The following LCA5L variants were observed in gnomAD, a reference collection of about 807,000 sequenced individuals.
LCA5L encodes lebercilin-like protein.
In LCA5L, 35 loss-of-function variants were observed where a neutral mutation model predicts 45.4. That is an observed-to-expected ratio of 0.77 (90% CI 0.59 to 1.02). The LOEUF is 1.02. LCA5L is among the 50% of genes least tolerant of loss of function. The probability of loss-of-function intolerance (pLI) is 0.00; values close to 1 mark genes in which losing one functional copy is unlikely to be tolerated. For missense variants in LCA5L, 668 were observed against 761.6 expected, an observed-to-expected ratio of 0.88 and a Z score of 1.45; for synonymous variants, 233 against 264.7, an observed-to-expected ratio of 0.88 and a Z score of 1.16.
chr21:39,442,633 T>C (rs991431791), intron 2 of LCA5L, among the ~76,000 whole-genome samples: 6 of 151,994 alleles, frequency 3.9e-5, no homozygotes, highest in African/African-American at 1.5e-4. Context: ...AAGGATTCAC[T>C]GGGTGTTGGG....
intron 7 of LCA5L, chr21:39,413,949 T>C: frequency 6.6e-6 from 1 of 152,072 alleles, no homozygotes; most frequent in Non-Finnish European, 1.5e-5. Flanking sequence ...GCGGCGTGGG[T>C]CAAAAGGAAG....
In LCA5L at chr21:39,420,765, C is replaced by T. The variant is rs201082349; in HGVS notation, c.916G>A (p.Ala306Thr). 5.0e-5 allele frequency: 81 copies of T among 1,613,618 alleles called. No individual in the cohort carries two copies. The Middle Eastern group carries it at 6.6e-4, about 13-fold the overall frequency. Residue 306 changes from alanine (A) to threonine (T), a missense_variant, in exon 7 of 11, where the codon GCT becomes ACT. Transcript: ENST00000288350. Reference sequence around the variant, plus strand: ...TGCAGAGTCTTGGTAGCTGTCTGAGCTGCTAAAGTCTTCCGAGTCTCAATA... The same window carrying T: ...TGCAGAGTCTTGGTAGCTGTCTGAGTTGCTAAAGTCTTCCGAGTCTCAATA... ...LAIETRKTLA[A>T]QTATKTLQVE...
rs970460935 is a variant in LCA5L, at chr21:39,409,706, C to T, written c.1282+273G>A. Among the ~76,000 whole-genome samples, 8 of 152,184 alleles carry T rather than the reference C, an allele frequency of 5.3e-5. No individual in the cohort carries two copies. The highest frequency in any genetic ancestry group is 1.9e-4 in the African/African-American group (8 of 41,444). ...CTCCTGGGTCCAAGCGATTTTCCTG[C>T]CTCAGCCTCCTGAGTAGCTGGGATT... is the stretch of plus-strand genomic sequence containing the variant. On this transcript the variant is annotated intron_variant, in intron 10 of 10. Coordinates refer to ENST00000288350, the MANE Select transcript of LCA5L (RefSeq NM_152505.4). The surrounding 1 kb of genome is among the most constrained non-coding windows in gnomAD (Gnocchi z 4.2).
At chr21:39,427,001 A>G (rs896738859) in intron 5 of LCA5L, among the ~76,000 whole-genome samples, 1 of 152,246 alleles carries the variant, frequency 6.6e-6, no homozygotes, top group East Asian at 1.9e-4. Context: ...TGTCTTAGAT[A>G]AAGAATCCCT....
intron 7 of LCA5L, among the ~76,000 whole-genome samples, chr21:39,412,619 C>T (rs914325140): frequency 2.1e-4 from 32 of 151,766 alleles, no homozygotes; most frequent in African/African-American, 7.0e-4. Flanking sequence ...CACACACACA[C>T]GGGGGGTGGG....
intron 8 of LCA5L, chr21:39,410,961 G>C (rs1569067871): frequency 2.1e-6 from 1 of 470,208 alleles, no homozygotes. Context: ...TGGTACTTCT[G>C]AGTCGAATCT....
intron 6 of LCA5L, 79 bp from the exon 7 acceptor site, chr21:39,420,922 A>G (rs539878009): frequency 1.8e-6 from 2 of 1,105,092 alleles, no homozygotes; most frequent in South Asian, 2.9e-5. Flanking sequence ...AACTAACTAC[A>G]TTTATGAAAA....
rs370622758 is a variant in LCA5L at position 39,445,055 on chromosome 21, T to C, written c.-313+670A>G. The stretch of plus-strand genomic sequence containing the variant: ...GCGACTGGATGAGTTCATCTAGGGA[T>C]TGAGTGTAGACAGAAAAAAGGCTCA... On this transcript the variant is annotated intron_variant, in intron 1 of 10. Coordinates refer to ENST00000288350, the MANE Select transcript of LCA5L (RefSeq NM_152505.4). Among the ~76,000 whole-genome samples the C allele has an allele frequency of 4.7e-5, 7 of 150,450 alleles. No individual in the cohort carries two copies. In the East Asian group the frequency reaches 1.4e-3, roughly 30 times the overall value.
chr21:39,426,896 A>G (rs2074806747), intron 5 of LCA5L, among the ~76,000 whole-genome samples: 1 of 152,242 alleles, frequency 6.6e-6, no homozygotes, highest in Non-Finnish European at 1.5e-5. Context: ...TAACCTTTTG[A>G]GACTCTGATG....
intron 3 of LCA5L, among the ~76,000 whole-genome samples, chr21:39,433,927 C>CTTTTTTTTTT: frequency 1.0e-5 from 1 of 95,826 alleles, no homozygotes; most frequent in Non-Finnish European, 2.0e-5. Context: ...CCACATCCAG[C>CTTTTTTTTTT]TTTTTTTTTT....
intron 10 of LCA5L, chr21:39,408,463 G>A (rs1451529764): frequency 1.3e-5 from 2 of 152,296 alleles, no homozygotes; most frequent in African/African-American, 2.4e-5. Flanking sequence ...ATCCCAGGAT[G>A]TTAGCTGCAC....
chr21:39,444,649 G>A (rs2077247297), intron 1 of LCA5L: 1 of 152,418 alleles, frequency 6.6e-6, no homozygotes, highest in African/African-American at 2.4e-5. Context: ...CGCACCAGAT[G>A]ATGGGGGCCT....
intron 3 of LCA5L, among the ~76,000 whole-genome samples, chr21:39,430,677 CAGCTG>C (rs1194804675): frequency 3.3e-5 from 5 of 152,174 alleles, no homozygotes; most frequent in African/African-American, 1.2e-4. Context: ...CCCATCCCCC[CAGCTG>C]AGCTAAGTAA....
intron 3 of LCA5L, among the ~76,000 whole-genome samples, chr21:39,433,365 C>G (rs1310963604): frequency 5.6e-5 from 8 of 141,654 alleles, no homozygotes; most frequent in African/African-American, 2.1e-4. Context: ...TTGCAGTGAG[C>G]TGAGATTGCG....
At chr21:39,436,490 C>T (rs748931998) in intron 2 of LCA5L, among the ~76,000 whole-genome samples, 2 of 152,008 alleles carry the variant, frequency 1.3e-5, no homozygotes, top group South Asian at 4.2e-4. Flanking sequence ...TAATTACATA[C>T]ATATTTTTTG....
intron 5 of LCA5L, chr21:39,426,010 A>T (rs891019731): frequency 2.0e-5 from 3 of 152,292 alleles, no homozygotes; most frequent in African/African-American, 7.2e-5. Flanking sequence ...CCTTTTAAAG[A>T]TCATATGGCT....
Position 39,405,872 on chromosome 21 carries a change from T to TA in LCA5L, c.*9_*10insT. 1 of 1,536,220 alleles carries TA rather than the reference T, an allele frequency of 6.5e-7. No individual in the cohort carries two copies. The highest frequency in any genetic ancestry group is 8.8e-7 in the Non-Finnish European group (1 of 1,131,432). ...TATCAAACCAGAATGCATTAGGATA[T>TA]TGATTATATTTAAATAATTATTTTT... is the stretch of plus-strand genomic sequence containing the variant. On this transcript the variant is annotated 3_prime_UTR_variant, in exon 11 of 11. Transcript: ENST00000288350.
intron 6 of LCA5L, chr21:39,422,451 C>G (rs2073927825): frequency 6.5e-6 from 1 of 154,150 alleles, no homozygotes; most frequent in Non-Finnish European, 1.4e-5. Flanking sequence ...TCCCTACTAC[C>G]CAGGAACATT....
intron 6 of LCA5L, among the ~76,000 whole-genome samples, chr21:39,421,073 C>A (rs1045569603): frequency 2.2e-4 from 33 of 150,896 alleles, no homozygotes; most frequent in Admixed American, 1.8e-3. Context: ...CTGTTTTTTA[C>A]ATACTCTAAA....
Sources: gnomAD v4.1 joint callset for allele counts (sites outside exome capture counted in the v4.1 genomes callset) on GRCh38, gnomAD v4.1.1 for gene constraint, Gnocchi (gnomAD v3.1) non-coding constraint, MANE v1.5 for transcripts, NCBI Gene and HGNC (gene_info 2026-07-23, HGNC 2026-07-21) for gene names.